The following FAM78B variants were observed in gnomAD, a reference collection of about 807,000 sequenced individuals.
FAM78B encodes the protein protein FAM78B.
Under a neutral mutation model 20.0 loss-of-function variants are expected in FAM78B, and 10 were observed. The observed-to-expected ratio is 0.50, with a 90% confidence interval of 0.31 to 0.85. The LOEUF (loss-of-function observed/expected upper bound fraction) is 0.85, where lower values mean the gene tolerates loss of function less well. Ranked by LOEUF, FAM78B falls within the 40% of genes least tolerant of loss-of-function variation. The pLI is 0.05. For missense variants in FAM78B, 283 were observed against 345.0 expected (o/e 0.82, Z 1.42); for synonymous variants, 135 against 132.8 (o/e 1.02, Z -0.12).
intron 1 of FAM78B, chr1:166,164,733 G>C (rs1226354868): frequency 6.6e-6 from 1 of 152,160 alleles, no homozygotes; most frequent in Admixed American, 6.5e-5. Context: ...TAAAAAGATG[G>C]TTTGACCTTT....
intron 1 of FAM78B, among the ~76,000 whole-genome samples, chr1:166,154,571 C>A (rs1307914373): frequency 6.6e-6 from 1 of 152,246 alleles, no homozygotes; most frequent in Admixed American, 6.5e-5. Flanking sequence ...GCACCCTGTG[C>A]ACTTTCCTTT....
intron 1 of FAM78B, among the ~76,000 whole-genome samples, chr1:166,114,692 C>T (rs997435502): frequency 3.3e-5 from 5 of 152,190 alleles, no homozygotes; most frequent in African/African-American, 1.2e-4. Context: ...CCTCCCTGTG[C>T]TAGTTACCTC....
At chr1:166,090,036 C>T (rs1353822673) in intron 1 of FAM78B, among the ~76,000 whole-genome samples, 1 of 152,180 alleles carries the variant, frequency 6.6e-6, no homozygotes, top group Admixed American at 6.5e-5. Flanking sequence ...GAAAGCCAAA[C>T]AGGAAGCCAA....
chr1:166,097,708 C>CCA (rs1387215097), intron 1 of FAM78B, among the ~76,000 whole-genome samples: 1 of 152,188 alleles, frequency 6.6e-6, no homozygotes, highest in East Asian at 1.9e-4. Flanking sequence ...ACCCCCATCC[C>CCA]CACAGCAGCT....
At chr1:166,154,604 C>T in intron 1 of FAM78B, 1 of 420,056 alleles carries the variant, frequency 2.4e-6, no homozygotes, top group Non-Finnish European at 5.0e-6. Context: ...GCCATCTCTG[C>T]CTGAAGACCT....
intron 1 of FAM78B, among the ~76,000 whole-genome samples, chr1:166,075,158 T>C (rs74118967): frequency 0.15 from 23,314 of 151,978 alleles, 1,977 homozygotes; most frequent in African/African-American, 0.23. Flanking sequence ...TCAGGAGAGT[T>C]AACTGCGAGG....
chr1:166,075,272 C>A (rs1421678860), intron 1 of FAM78B, among the ~76,000 whole-genome samples: 1 of 152,168 alleles, frequency 6.6e-6, no homozygotes, highest in Non-Finnish European at 1.5e-5. Flanking sequence ...AGGGCTTCAT[C>A]TAGACTGGTG....
At chr1:166,077,630 TATA>T (rs994896438) in intron 1 of FAM78B, among the ~76,000 whole-genome samples, 10 of 139,908 alleles carry the variant, frequency 7.1e-5, no homozygotes, top group African/African-American at 2.4e-4. Flanking sequence ...ATATAATACA[TATA>T]ATTATATATT....
At chr1:166,092,468 C>T (rs1388034395) in intron 1 of FAM78B, among the ~76,000 whole-genome samples, 1 of 152,228 alleles carries the variant, frequency 6.6e-6, no homozygotes, top group Admixed American at 6.5e-5. Flanking sequence ...TCCTACCCTG[C>T]CTCTTCTCTT....
intron 1 of FAM78B, among the ~76,000 whole-genome samples, chr1:166,114,960 G>A (rs1654201384): frequency 6.6e-6 from 1 of 152,168 alleles, no homozygotes; most frequent in Non-Finnish European, 1.5e-5. Flanking sequence ...CTTCTCCATT[G>A]ATAGCATAGA....
chr1:166,109,012 G>A (rs1005579679), intron 1 of FAM78B, among the ~76,000 whole-genome samples: 1 of 152,120 alleles, frequency 6.6e-6, no homozygotes, highest in Non-Finnish European at 1.5e-5. Flanking sequence ...ATCAACTCAA[G>A]ATGAATTAAG....
At chr1:166,073,012 A>T (rs1652109128) in intron 1 of FAM78B, among the ~76,000 whole-genome samples, 1 of 152,190 alleles carries the variant, frequency 6.6e-6, no homozygotes, top group Admixed American at 6.5e-5. Flanking sequence ...AAATCATAAA[A>T]CTTAGTTTGG....
intron 1 of FAM78B, among the ~76,000 whole-genome samples, chr1:166,102,841 C>T (rs1653586699): frequency 6.6e-6 from 1 of 152,144 alleles, no homozygotes; most frequent in Non-Finnish European, 1.5e-5. Context: ...TTGAACTCAG[C>T]TCTGCACCAA....
intron 1 of FAM78B, among the ~76,000 whole-genome samples, chr1:166,086,297 G>C (rs1480059218): frequency 2.0e-5 from 3 of 152,092 alleles, no homozygotes; most frequent in African/African-American, 7.2e-5. Flanking sequence ...CACAGCACAG[G>C]GTTTCCTCAT....
At position 166,165,987 on chromosome 1, in the gene FAM78B, T is replaced by A. The variant is rs200433411; in HGVS notation, c.262A>T (p.Met88Leu). Residue 88 changes from methionine (M) to leucine (L), a missense_variant and splice_region_variant, in exon 1 of 2, where the codon ATG (methionine) becomes TTG (leucine). Transcript: ENST00000354422. The part of the protein sequence containing the change: ...EFFNTYSDLG[M>L]SSWELPDLRE... ...CGTGCCGCGCGGCGAGTCGCTTACA[T>A]GCCCAGGTCGCTGTAGGTGTTGAAG... 3.1e-6 allele frequency: 5 copies of A among 1,602,800 alleles called. No individual in the cohort carries two copies. Among genetic ancestry groups the A allele is most frequent in the African/African-American group, 1.3e-5 (1 of 74,436 alleles).
At chr1:166,066,946 G>T (rs1424092135), downstream of FAM78B, among the ~76,000 whole-genome samples, 1 of 142,710 alleles carries the variant, frequency 7.0e-6, no homozygotes, top group Non-Finnish European at 1.5e-5. Flanking sequence ...AATGTAAACT[G>T]CATGCAGCGA....
At chr1:166,165,889 G>C in intron 1 of FAM78B, 97 bp downstream of exon 1, 3 of 1,411,486 alleles carry the variant, frequency 2.1e-6, no homozygotes, top group Middle Eastern at 1.8e-4. Context: ...AAAGACGATG[G>C]GGACAGCAGT....
intron 1 of FAM78B, among the ~76,000 whole-genome samples, chr1:166,097,074 C>T (rs367997622): frequency 2.0e-5 from 3 of 152,320 alleles, no homozygotes; most frequent in South Asian, 2.1e-4. Context: ...GAAAGGGAGA[C>T]GCTCCTCTCT....
chr1:166,129,096 G>A (rs192536405), intron 1 of FAM78B, among the ~76,000 whole-genome samples: 1 of 152,324 alleles, frequency 6.6e-6, no homozygotes, highest in East Asian at 1.9e-4. Flanking sequence ...CAAGAGTCCA[G>A]GCTATGCTTC....
Sources: allele counts gnomAD v4.1 joint callset (sites outside exome capture counted in the v4.1 genomes callset), GRCh38; gene constraint gnomAD v4.1.1; transcripts MANE v1.5; gene names NCBI Gene and HGNC (gene_info 2026-07-23, HGNC 2026-07-21).